Variants in RNF4 observed in about 807,000 individuals in gnomAD.
RNF4 encodes ring finger protein 4.
Under a neutral mutation model 24.3 loss-of-function variants are expected in RNF4, and 7 were observed. The observed-to-expected ratio is 0.29, with a 90% CI of 0.16 to 0.54. The LOEUF (loss-of-function observed/expected upper bound fraction) is 0.54, where lower values mean the gene tolerates loss of function less well. RNF4 is among the 20% of genes least tolerant of loss of function. RNF4 has a pLI of 0.95. For synonymous variants in RNF4, 83 were observed against 84.3 expected, an observed-to-expected ratio of 0.98 and a Z score of 0.09; for missense variants, 209 against 248.5, an observed-to-expected ratio of 0.84 and a Z score of 1.07.
chr4:2,500,761 C>G (rs1462700667), intron 4 of RNF4, 23 bp downstream of exon 4: 1 of 1,611,368 alleles, frequency 6.2e-7, no homozygotes, highest in Non-Finnish European at 8.5e-7. Context: ...GTGTGAGAGT[C>G]GGCTGTTTCT....
At chr4:2,502,704 T>C (rs1578519865) in intron 4 of RNF4, among the ~76,000 whole-genome samples, 2 of 141,198 alleles carry the variant, frequency 1.4e-5, no homozygotes, top group Non-Finnish European at 1.5e-5. Context: ...ATTAGCCAGG[T>C]GTGATGATGC....
At chr4:2,501,293 C>T (rs1001452287) in intron 4 of RNF4, among the ~76,000 whole-genome samples, 1 of 152,228 alleles carries the variant, frequency 6.6e-6, no homozygotes, top group Non-Finnish European at 1.5e-5. Flanking sequence ...GGAAAGGGAA[C>T]GTTGGCTCAG....
intron 4 of RNF4, among the ~76,000 whole-genome samples, chr4:2,503,491 T>C (rs534107533): frequency 2.0e-5 from 3 of 152,218 alleles, no homozygotes; most frequent in Non-Finnish European, 4.4e-5. Flanking sequence ...CTGGTCAGTT[T>C]GATCAGTGGA....
rs1037452797 is a variant in RNF4, at chr4:2,497,238, ACT to A, written c.124+119_124+120del. On this transcript the variant is annotated intron_variant, in intron 3 of 7. Coordinates refer to ENST00000314289, the MANE Select transcript of RNF4 (RefSeq NM_002938.5). ...CTTTAGAAGGCCTATGCAGTCTCAC[ACT>A]CACCATGTACAACTCAAAGCTTCAC... The A allele has an allele frequency of 9.1e-6, 6 of 657,074 alleles. No individual in the cohort carries two copies. The Admixed American group carries it at 1.2e-4, about 13-fold the overall frequency. 40.7% of individuals were successfully genotyped at this position (657,074 alleles called of 1,614,324 possible).
chr4:2,508,160 T>C (rs1274723573), intron 4 of RNF4, among the ~76,000 whole-genome samples: 2 of 152,202 alleles, frequency 1.3e-5, no homozygotes, highest in African/African-American at 2.4e-5. Flanking sequence ...GAAGTGTGAA[T>C]TTCTGATCTT....
At chr4:2,506,848 T>C (rs556052013) in intron 4 of RNF4, among the ~76,000 whole-genome samples, 5 of 152,146 alleles carry the variant, frequency 3.3e-5, no homozygotes, top group Non-Finnish European at 5.9e-5. Flanking sequence ...GGGATTGTAG[T>C]TGTGAGCCAC....
At chr4:2,505,382 G>A (rs1413008468) in intron 4 of RNF4, 7 of 149,876 alleles carry the variant, frequency 4.7e-5, no homozygotes, top group African/African-American at 1.2e-4. Context: ...CTGGAGTACA[G>A]TGGTGCGATC....
chr4:2,473,085 C>T (rs1236504280), intron 1 of RNF4, among the ~76,000 whole-genome samples: 1 of 149,090 alleles, frequency 6.7e-6, no homozygotes, highest in Non-Finnish European at 1.5e-5. Flanking sequence ...GGGAGGAGGT[C>T]AAAATATCAA....
At chr4:2,472,336 G>A (rs779768330) in intron 1 of RNF4, among the ~76,000 whole-genome samples, 1 of 152,200 alleles carries the variant, frequency 6.6e-6, no homozygotes, top group Non-Finnish European at 1.5e-5. Context: ...AAATATTACT[G>A]CTCATTGAGA....
chr4:2,497,659 G>C lies in RNF4; in HGVS notation c.124+538G>C, dbSNP rs115867270. ...TTTTTACTTATTTATTTTTGAGATA[G>C]AGTCTTGCTCTGTCGCCCAAGCTAG... On this transcript the variant is annotated intron_variant, in intron 3 of 7. Coordinates refer to ENST00000314289, the MANE Select transcript of RNF4 (RefSeq NM_002938.5). Among the ~76,000 whole-genome samples, 1,311 of 152,292 alleles carry C rather than the reference G, an allele frequency of 8.6e-3. 20 individuals are homozygous for C. The highest frequency in any genetic ancestry group is 0.029 in the African/African-American group (1,204 of 41,558).
At chr4:2,485,281 C>G (rs921439255) in intron 1 of RNF4, among the ~76,000 whole-genome samples, 19 of 152,306 alleles carry the variant, frequency 1.2e-4, no homozygotes, top group African/African-American at 4.6e-4. Flanking sequence ...TGCAGCTGTT[C>G]ACTGCTTCCT....
Position 2,514,229 on chromosome 4 carries a change from A to T in RNF4, c.*410A>T. 1 of 208,846 alleles carries T rather than the reference A, an allele frequency of 4.8e-6. No homozygotes were observed. The highest frequency in any genetic ancestry group is 9.9e-6 in the Non-Finnish European group (1 of 101,056). 12.9% of individuals were successfully genotyped at this position (208,846 alleles called of 1,614,324 possible). On this transcript the variant is annotated 3_prime_UTR_variant, in exon 8 of 8. Transcript: ENST00000314289. ...CCAATCTGCCTGCCACACATTGACC[A>T]AGCCAGACCCGGTTCACCCAGCTCG...
intron 1 of RNF4, among the ~76,000 whole-genome samples, chr4:2,483,169 T>C (rs1028142616): frequency 2.6e-5 from 4 of 152,192 alleles, no homozygotes; most frequent in African/African-American, 9.6e-5. Flanking sequence ...TCCCATCCCA[T>C]TCCTAGCCCC....
intron 1 of RNF4, among the ~76,000 whole-genome samples, chr4:2,487,253 T>A (rs527392166): frequency 6.6e-6 from 1 of 152,214 alleles, no homozygotes; most frequent in African/African-American, 2.4e-5. Flanking sequence ...ACTACAAGTG[T>A]GCACCGTCAC....
intron 4 of RNF4, among the ~76,000 whole-genome samples, chr4:2,506,953 ACT>A (rs1736120065): frequency 6.6e-6 from 1 of 151,992 alleles, no homozygotes. Context: ...GAGACTGGCA[ACT>A]CTCTTTAAGG....
In RNF4 at chr4:2,473,057, AG is replaced by A. The variant is rs112985336; in HGVS notation, c.-158+3800del. 1.1e-4 allele frequency among the ~76,000 whole-genome samples: 17 copies of A among 150,332 alleles called. 1 individual carries two copies. Among genetic ancestry groups the A allele is most frequent in the African/African-American group, 4.2e-4 (17 of 40,890 alleles). ...TCCATCTCAAAAAAGAAAAAAAAAA[AG>A]AATATTTGTGATTCATGGGAGGAGG... On this transcript the variant is annotated intron_variant, in intron 1 of 7. Coordinates refer to ENST00000314289, the MANE Select transcript of RNF4 (RefSeq NM_002938.5).
At chr4:2,505,313 T>C (rs1736045907) in intron 4 of RNF4, 1 of 151,668 alleles carries the variant, frequency 6.6e-6, no homozygotes, top group Non-Finnish European at 1.5e-5. Flanking sequence ...TTTCAAGTTA[T>C]TTGTCTGCAT....
intron 1 of RNF4, among the ~76,000 whole-genome samples, chr4:2,477,385 G>A (rs1052196016): frequency 1.3e-5 from 2 of 152,098 alleles, no homozygotes; most frequent in African/African-American, 4.8e-5. Context: ...AGGAGTTCAA[G>A]ATGAGTGTGG....
At chr4:2,485,135 C>T (rs1735367451) in intron 1 of RNF4, among the ~76,000 whole-genome samples, 1 of 152,182 alleles carries the variant, frequency 6.6e-6, no homozygotes, top group Admixed American at 6.5e-5. Context: ...TTCCTCTAGA[C>T]AGCCCGGCTT....
Sources: allele counts gnomAD v4.1 joint callset (sites outside exome capture counted in the v4.1 genomes callset), GRCh38; gene constraint gnomAD v4.1.1; transcripts MANE v1.5; gene names NCBI Gene and HGNC (gene_info 2026-07-23, HGNC 2026-07-21).